The following CD44 variants were observed in gnomAD, a reference collection of about 807,000 sequenced individuals.
CD44 encodes the protein CD44 antigen.
A neutral mutation model predicts 88.8 loss-of-function variants in CD44; 49 were observed. The observed-to-expected ratio is 0.55, with a 90% confidence interval of 0.44 to 0.70. The LOEUF (loss-of-function observed/expected upper bound fraction) is 0.70. Among genes scored for constraint, CD44 ranks in the 30% least tolerant of loss-of-function variants. The pLI, the probability that CD44 is intolerant of heterozygous loss-of-function variation, is 0.00. For synonymous variants in CD44, 325 were observed against 312.3 expected, an observed-to-expected ratio of 1.04 and a Z score of -0.43; for missense variants, 883 against 913.8, an observed-to-expected ratio of 0.97 and a Z score of 0.43.
At chr11:35,227,318 T>A (rs1949775342) in intron 17 of CD44, among the ~76,000 whole-genome samples, 1 of 152,178 alleles carries the variant, frequency 6.6e-6, no homozygotes, top group South Asian at 2.1e-4. Context: ...CCAAAGTAAC[T>A]AAGACTACAG....
intron 1 of CD44, among the ~76,000 whole-genome samples, chr11:35,147,009 A>G (rs1859298979): frequency 6.6e-6 from 1 of 152,202 alleles, no homozygotes; most frequent in Non-Finnish European, 1.5e-5. Context: ...CATGTGATGG[A>G]AAGTTGAGGA....
At chr11:35,147,185 G>T (rs1859335935) in intron 1 of CD44, among the ~76,000 whole-genome samples, 1 of 152,176 alleles carries the variant, frequency 6.6e-6, no homozygotes, top group Non-Finnish European at 1.5e-5. Flanking sequence ...CTAGAACTTT[G>T]ACTGGGAAAT....
At position 35,189,470 on chromosome 11, in the gene CD44, A is replaced by G. The variant is rs114168420; in HGVS notation, c.437-365A>G. ...GAAACAAGTGGGAGAATGATTATTT[A>G]TTGAGCATCCACTGTATTTTGAATA... is the stretch of plus-strand genomic sequence containing the variant. On this transcript the variant is annotated intron_variant, in intron 4 of 17. Coordinates refer to ENST00000428726, the MANE Select transcript of CD44 (RefSeq NM_000610.4). Among the ~76,000 whole-genome samples the G allele has an allele frequency of 2.2e-3, 337 of 152,318 alleles. 2 individuals carry two copies. Among genetic ancestry groups the G allele is most frequent in the African/African-American group, 7.8e-3 (325 of 41,576 alleles).
intron 17 of CD44, among the ~76,000 whole-genome samples, chr11:35,224,450 T>A (rs1408799404): frequency 1.3e-5 from 2 of 152,180 alleles, no homozygotes; most frequent in Non-Finnish European, 2.9e-5. Context: ...AAAGAATCTA[T>A]CTGGGCCAGG....
chr11:35,189,972 G>C lies in CD44; in HGVS notation c.574G>C (p.Gly192Arg). The C allele has an allele frequency of 6.2e-7, 1 of 1,614,170 alleles. No homozygotes were observed. Among genetic ancestry groups the C allele is most frequent in the Non-Finnish European group, 8.5e-7 (1 of 1,180,026 alleles). ...SSSERSSTSGGYIFYTFSTVH... is the reference protein window; with the variant it reads ...SSSERSSTSGRYIFYTFSTVH... The stretch of plus-strand genomic sequence containing the variant: ...CAGTGAAAGGAGCAGCACTTCAGGA[G>C]GTTACATCTTTTACACCTTTTCTAC... The change falls in exon 5 of 18, where the codon GGT becomes CGT. Residue 192 changes from glycine to arginine, a missense_variant. Physicochemically the swap from Gly to Arg is moderately radical, Grantham distance 125. This residue lies in a region of CD44 where 252 missense variants were observed against 322.9 expected (regional missense o/e 0.78). Coordinates refer to ENST00000428726, the MANE Select transcript of CD44 (RefSeq NM_000610.4).
chr11:35,181,914 T>TTATATTTATATATTATAATATATATATTA (rs1554962187), intron 3 of CD44, among the ~76,000 whole-genome samples: 5,093 of 67,354 alleles, frequency 0.076, 231 homozygotes, highest in Non-Finnish European at 0.089. Context: ...ATAATATATA[T>TTATATTTATATATTATAATATATATATTA]TATATATTAT....
At chr11:35,173,572 G>A (rs1447339401) in intron 1 of CD44, among the ~76,000 whole-genome samples, 2 of 152,050 alleles carry the variant, frequency 1.3e-5, no homozygotes, top group Non-Finnish European at 2.9e-5. Flanking sequence ...TGCTAATGAT[G>A]CAAACAAAAG....
At chr11:35,195,066 C>T (rs1946605253) in intron 5 of CD44, among the ~76,000 whole-genome samples, 1 of 152,224 alleles carries the variant, frequency 6.6e-6, no homozygotes, top group African/African-American at 2.4e-5. Context: ...ATATCAGAAT[C>T]TAGGCCTCTA....
rs1947254066 is a variant in CD44, at chr11:35,200,949, C to T, written c.923-133C>T. ...GTCACCCTCCGCTTTCCCTCCATTT[C>T]CATGCAGCCATCTATACAACCTGGT... On this transcript the variant is annotated intron_variant, in intron 7 of 17. Coordinates refer to ENST00000428726, the MANE Select transcript of CD44 (RefSeq NM_000610.4). The T allele has an allele frequency of 5.6e-6, 4 of 708,722 alleles. No homozygotes were observed. The South Asian group carries it at 6.4e-5, about 11-fold the overall frequency. The allele number at this position is 708,722 out of a possible 1,614,324, so 43.9% of individuals were successfully genotyped here. A position where few individuals can be genotyped will look rare whatever the true frequency, so the allele number is the denominator to read the frequency against.
intron 5 of CD44, among the ~76,000 whole-genome samples, chr11:35,196,020 AT>A (rs1460700046): frequency 6.6e-6 from 1 of 152,168 alleles, no homozygotes; most frequent in Non-Finnish European, 1.5e-5. Context: ...GCTGGCAGAA[AT>A]ATCATATCCT....
At chr11:35,172,446 T>G (rs1343203431) in intron 1 of CD44, among the ~76,000 whole-genome samples, 2 of 152,210 alleles carry the variant, frequency 1.3e-5, no homozygotes, top group Non-Finnish European at 2.9e-5. Context: ...CTGAACCAGT[T>G]GAGATGTCTA....
chr11:35,139,756 A>C lies in CD44; in HGVS notation c.67+386A>C, dbSNP rs556756730. On this transcript the variant is annotated intron_variant, in intron 1 of 17. Transcript: ENST00000428726. ...AAGCCCCACCGGGCTGTGTCTAGGC[A>C]GGGCAGAGCTGGGCGGGGCAGAGAC... Among the ~76,000 whole-genome samples the C allele has an allele frequency of 6.2e-4, 94 of 152,356 alleles. 1 individual carries two copies. Among genetic ancestry groups the C allele is most frequent in the Non-Finnish European group, 4.4e-4 (30 of 68,028 alleles).
Position 35,231,904 on chromosome 11 carries a change from G to C in CD44, c.*2571G>C, listed in dbSNP as rs1341226060. The C allele has an allele frequency of 2.0e-5, 3 of 152,178 alleles. No homozygotes were observed. The highest frequency in any genetic ancestry group is 2.9e-5 in the Non-Finnish European group (2 of 68,022). The allele number at this position is 152,178 out of a possible 1,614,324, so 9.4% of individuals were successfully genotyped here. A position where few individuals can be genotyped will look rare whatever the true frequency, so the allele number is the denominator to read the frequency against. On this transcript the variant is annotated 3_prime_UTR_variant, in exon 18 of 18. Coordinates refer to ENST00000428726, the MANE Select transcript of CD44 (RefSeq NM_000610.4). Reference sequence around the variant, plus strand: ...GAAGACTTCCCTTAAAATTAGCTCTGAGTGAAAAATCAAAAGAGACAAAAG... The same window carrying C: ...GAAGACTTCCCTTAAAATTAGCTCTCAGTGAAAAATCAAAAGAGACAAAAG...
intron 3 of CD44, 31 bp downstream of exon 3, chr11:35,180,438 G>A: frequency 1.2e-6 from 2 of 1,613,562 alleles, no homozygotes; most frequent in Non-Finnish European, 1.7e-6. Context: ...CTGTTGGCGT[G>A]AAAGGCTGTG....
chr11:35,180,410 T>C lies in CD44; in HGVS notation c.367+3T>C, dbSNP rs371256002. ...CACATATTGCTTCAATGCTTCAGGT[T>C]GGTTCTCAGGGGGGTGTCTGTTGGC... On this transcript the variant is annotated splice_donor_region_variant and intron_variant, in intron 3 of 17. Coordinates refer to ENST00000428726, the MANE Select transcript of CD44 (RefSeq NM_000610.4). 1.5e-5 allele frequency: 25 copies of C among 1,613,946 alleles called. No homozygotes were observed. Among genetic ancestry groups the C allele is most frequent in the Non-Finnish European group, 2.1e-5 (25 of 1,179,974 alleles).
chr11:35,206,338 C>A, intron 11 of CD44, 95 bp downstream of exon 11: 2 of 1,280,276 alleles, frequency 1.6e-6, no homozygotes, highest in Non-Finnish European at 2.1e-6. Flanking sequence ...GGTTTTAGAC[C>A]AAACTACTTT....
intron 3 of CD44, among the ~76,000 whole-genome samples, chr11:35,181,301 T>A (rs1376852588): frequency 6.6e-6 from 1 of 152,196 alleles, no homozygotes; most frequent in African/African-American, 2.4e-5. Context: ...CAGGCCAGCC[T>A]TTCTCTATGT....
chr11:35,208,946 A>C (rs1205739179), intron 12 of CD44, among the ~76,000 whole-genome samples: 1 of 152,230 alleles, frequency 6.6e-6, no homozygotes, highest in Non-Finnish European at 1.5e-5. Context: ...AAAGGAAAAA[A>C]ATCAGCAAGC....
At chr11:35,209,397 T>C (rs555850636) in intron 12 of CD44, among the ~76,000 whole-genome samples, 2 of 152,308 alleles carry the variant, frequency 1.3e-5, no homozygotes, top group East Asian at 1.9e-4. Context: ...TGGAGTAAAA[T>C]GGTAACTTTA....
Sources: gnomAD v4.1 joint callset for allele counts (sites outside exome capture counted in the v4.1 genomes callset) on GRCh38, gnomAD v4.1.1 for gene constraint, gnomAD v4.1.1 regional missense constraint, MANE v1.5 for transcripts, NCBI Gene and HGNC (gene_info 2026-07-23, HGNC 2026-07-21) for gene names.